Variants in NEGR1 observed in about 807,000 individuals in gnomAD.
The protein encoded by NEGR1 is neuronal growth regulator 1.
Under a neutral mutation model 40.9 loss-of-function variants are expected in NEGR1, and 10 were observed. The observed-to-expected ratio is 0.24, with a 90% CI of 0.15 to 0.42. NEGR1 has a LOEUF of 0.42. NEGR1 is among the 10% of genes least tolerant of loss of function. The probability of loss-of-function intolerance (pLI) is 1.00; values close to 1 mark genes in which losing one functional copy is unlikely to be tolerated. For missense variants in NEGR1, 352 were observed against 438.9 expected (o/e 0.80, Z 1.77); for synonymous variants, 185 against 166.8 (o/e 1.11, Z -0.84).
chr1:72,038,061 A>ATTACT (rs1157317767), intron 1 of NEGR1, among the ~76,000 whole-genome samples: 1 of 152,106 alleles, frequency 6.6e-6, no homozygotes, highest in Non-Finnish European at 1.5e-5. Flanking sequence ...GGACTTAGTA[A>ATTACT]AAGTGTCACA....
At chr1:72,102,067 T>C (rs571505506) in intron 1 of NEGR1, among the ~76,000 whole-genome samples, 3 of 152,200 alleles carry the variant, frequency 2.0e-5, no homozygotes, top group South Asian at 4.2e-4. Flanking sequence ...TAATAAGCAG[T>C]ATTTGATCGC....
At chr1:72,280,034 G>A (rs1656188849) in intron 1 of NEGR1, among the ~76,000 whole-genome samples, 1 of 152,114 alleles carries the variant, frequency 6.6e-6, no homozygotes, top group South Asian at 2.1e-4. Flanking sequence ...AAACATTATT[G>A]AGAAGACACA....
At chr1:72,153,603 A>G (rs1023326459) in intron 1 of NEGR1, among the ~76,000 whole-genome samples, 9 of 151,942 alleles carry the variant, frequency 5.9e-5, no homozygotes, top group African/African-American at 2.2e-4. Context: ...ATAGAGTTAA[A>G]TAATATGTAT....
At chr1:71,579,862 A>T (rs1041406985) in intron 6 of NEGR1, among the ~76,000 whole-genome samples, 1 of 152,178 alleles carries the variant, frequency 6.6e-6, no homozygotes, top group African/African-American at 2.4e-5. Context: ...GCATCCTCTG[A>T]GGTCTCATAC....
chr1:71,833,534 G>T (rs1412494364), intron 2 of NEGR1, among the ~76,000 whole-genome samples: 1 of 152,080 alleles, frequency 6.6e-6, no homozygotes, highest in Non-Finnish European at 1.5e-5. Context: ...GGAGAAGGAA[G>T]CAGAGAAGCA....
intron 2 of NEGR1, among the ~76,000 whole-genome samples, chr1:71,888,463 C>T (rs1275375804): frequency 2.0e-5 from 3 of 151,844 alleles, no homozygotes; most frequent in African/African-American, 7.3e-5. Context: ...GACGGACGCA[C>T]CTGGAAAATC....
chr1:72,219,143 T>G (rs1288430737), intron 1 of NEGR1, among the ~76,000 whole-genome samples: 8 of 152,084 alleles, frequency 5.3e-5, no homozygotes, highest in Non-Finnish European at 1.5e-5. Flanking sequence ...GGTGACATTT[T>G]GATTTTTCTT....
intron 1 of NEGR1, among the ~76,000 whole-genome samples, chr1:72,177,813 A>G (rs61765616): frequency 0.13 from 19,444 of 151,290 alleles, 1,648 homozygotes; most frequent in Non-Finnish European, 0.19. Context: ...AAAAATTTCA[A>G]TACACTCACA....
intron 2 of NEGR1, among the ~76,000 whole-genome samples, chr1:71,928,029 C>A (rs577814079): frequency 9.2e-6 from 1 of 109,280 alleles, no homozygotes; most frequent in Non-Finnish European, 1.8e-5. Flanking sequence ...TAAATAAATA[C>A]ACACACACAC....
At chr1:72,219,831 T>C (rs1375877410) in intron 1 of NEGR1, among the ~76,000 whole-genome samples, 1 of 152,120 alleles carries the variant, frequency 6.6e-6, no homozygotes, top group African/African-American at 2.4e-5. Context: ...ACTTTTCACA[T>C]AGTGAAGATT....
intron 1 of NEGR1, among the ~76,000 whole-genome samples, chr1:72,037,177 G>A (rs1283642149): frequency 1.3e-5 from 2 of 151,948 alleles, no homozygotes; most frequent in African/African-American, 2.4e-5. Flanking sequence ...ATAAAATTTA[G>A]GAAACAGTGA....
intron 1 of NEGR1, among the ~76,000 whole-genome samples, chr1:72,040,093 C>G (rs1342852668): frequency 1.3e-5 from 2 of 151,934 alleles, no homozygotes; most frequent in African/African-American, 4.8e-5. Flanking sequence ...AAATTAAATA[C>G]TTATACCACA....
At chr1:72,198,103 T>C in intron 1 of NEGR1, among the ~76,000 whole-genome samples, 1 of 151,990 alleles carries the variant, frequency 6.6e-6, no homozygotes, top group Non-Finnish European at 1.5e-5. Context: ...TTTCCCCAAG[T>C]AGTTTTCTTC....
chr1:72,201,109 T>A (rs1653189268), intron 1 of NEGR1, among the ~76,000 whole-genome samples: 1 of 151,752 alleles, frequency 6.6e-6, no homozygotes. Context: ...AAATTTCTAA[T>A]GCCTTCATTT....
Position 71,781,986 on chromosome 1 carries a change from A to T in NEGR1, c.410-5689T>A, listed in dbSNP as rs188595622. Among the ~76,000 whole-genome samples the T allele has an allele frequency of 3.5e-3, 540 of 152,314 alleles. 5 individuals are homozygous for T. The highest frequency in any genetic ancestry group is 0.012 in the African/African-American group (517 of 41,584). On this transcript the variant is annotated intron_variant, in intron 2 of 6. Transcript: ENST00000357731. ...AAATGTACATTAGTGAGTGAATTTTAAAAGATCAAAATTCGATCTTAAAAA... is the reference window on the plus strand; with the variant it reads ...AAATGTACATTAGTGAGTGAATTTTTAAAGATCAAAATTCGATCTTAAAAA...
chr1:71,542,645 A>G (rs1647752969), intron 6 of NEGR1, among the ~76,000 whole-genome samples: 1 of 151,742 alleles, frequency 6.6e-6, no homozygotes, highest in Admixed American at 6.6e-5. Context: ...CTCCCAATCG[A>G]GTGACAATGA....
chr1:72,014,660 G>C (rs774389870), intron 1 of NEGR1, among the ~76,000 whole-genome samples: 35 of 151,850 alleles, frequency 2.3e-4, no homozygotes, highest in Non-Finnish European at 4.0e-4. Flanking sequence ...CATATACCAA[G>C]ATTTTGTTAA....
chr1:72,103,007 C>G (rs536714750), intron 1 of NEGR1, among the ~76,000 whole-genome samples: 2 of 152,162 alleles, frequency 1.3e-5, no homozygotes, highest in African/African-American at 4.8e-5. Context: ...CACCCTTATG[C>G]GAATTACCAT....
At chr1:71,565,594 A>G (rs1159759851) in intron 6 of NEGR1, among the ~76,000 whole-genome samples, 3 of 152,190 alleles carry the variant, frequency 2.0e-5, no homozygotes, top group Admixed American at 1.3e-4. Flanking sequence ...AAAAACCTGC[A>G]GAGAGTGCCA....
Sources: gnomAD v4.1 joint callset for allele counts (sites outside exome capture counted in the v4.1 genomes callset) on GRCh38, gnomAD v4.1.1 for gene constraint, MANE v1.5 for transcripts, NCBI Gene and HGNC (gene_info 2026-07-23, HGNC 2026-07-21) for gene names.